Variants in RAB27B observed in about 807,000 individuals in gnomAD.
RAB27B encodes the protein ras-related protein Rab-27B.
A neutral mutation model predicts 24.6 loss-of-function variants in RAB27B; 15 were observed. The ratio of observed to expected loss-of-function variants is 0.61; its 90% confidence interval spans 0.41 to 0.94. The LOEUF is 0.94. Among genes scored for constraint, RAB27B ranks in the 40% least tolerant of loss-of-function variants. The probability of loss-of-function intolerance (pLI) is 0.00; values close to 1 mark genes in which losing one functional copy is unlikely to be tolerated. For missense variants in RAB27B, 261 were observed against 266.8 expected (o/e 0.98, Z 0.15); for synonymous variants, 105 against 92.5 (o/e 1.14, Z -0.78).
At chr18:54,807,508 C>T (rs1355793069) in intron 2 of RAB27B, among the ~76,000 whole-genome samples, 1 of 152,186 alleles carries the variant, frequency 6.6e-6, no homozygotes, top group African/African-American at 2.4e-5. Flanking sequence ...TAACTTGACT[C>T]ATCACTAAGT....
chr18:54,889,413 G>T lies in RAB27B; in HGVS notation c.657G>T (p.Ter219TyrextTer6). The change falls in exon 6 of 6, where the codon TAG (stop) becomes TAT (tyrosine). Residue 219 changes from the stop codon to tyrosine, a stop_lost. Coordinates refer to ENST00000262094, the MANE Select transcript of RAB27B (RefSeq NM_004163.4). Reference sequence around the variant, plus strand: ...CACCAGAGAAGAAATGTATCTGCTAGACTCTACATAGAAACTGAACATCAA... The same window carrying T: ...CACCAGAGAAGAAATGTATCTGCTATACTCTACATAGAAACTGAACATCAA... ...EKPPEKKCIC[*>Y] 1 of 1,605,634 alleles carries T rather than the reference G, an allele frequency of 6.2e-7. No individual in the cohort carries two copies. The highest frequency in any genetic ancestry group is 1.1e-5 in the South Asian group (1 of 89,288).
chr18:54,722,184 C>T lies in RAB27B; in HGVS notation c.-20+4043C>T, dbSNP rs558142517. 2.0e-4 allele frequency among the ~76,000 whole-genome samples: 31 copies of T among 152,266 alleles called. 1 individual carries two copies. In the South Asian group the frequency reaches 6.0e-3, roughly 30 times the overall value. On this transcript the variant is annotated intron_variant, in intron 2 of 4. Transcript: ENST00000586570. ...AACAAACAAGTATTTGATTGTTTTA[C>T]CACTCCTGTACCGCTTTCTTTAAAT...
chr18:54,825,887 T>C (rs1343926211), upstream of RAB27B, among the ~76,000 whole-genome samples: 1 of 152,220 alleles, frequency 6.6e-6, no homozygotes, highest in East Asian at 1.9e-4. Context: ...GATTTCTGCC[T>C]CCTAGGCCTG....
intron 2 of RAB27B, among the ~76,000 whole-genome samples, chr18:54,771,709 A>C (rs1360065322): frequency 1.3e-5 from 2 of 151,814 alleles, no homozygotes; most frequent in African/African-American, 4.8e-5. Flanking sequence ...TCTCTTTAAA[A>C]ACTCACATTT....
chr18:54,728,590 A>C (rs1909618007), intron 2 of RAB27B, among the ~76,000 whole-genome samples: 1 of 152,050 alleles, frequency 6.6e-6, no homozygotes, highest in Non-Finnish European at 1.5e-5. Context: ...AAAAGGGGGA[A>C]CCAGCTGGCT....
At chr18:54,800,886 A>G (rs1909579140) in intron 2 of RAB27B, among the ~76,000 whole-genome samples, 1 of 152,176 alleles carries the variant, frequency 6.6e-6, no homozygotes, top group Non-Finnish European at 1.5e-5. Context: ...CTCATATATA[A>G]TAAGTAAAGT....
chr18:54,750,519 C>T (rs1907798594), intron 2 of RAB27B, among the ~76,000 whole-genome samples: 1 of 151,828 alleles, frequency 6.6e-6, no homozygotes, highest in Admixed American at 6.6e-5. Context: ...AAGACCCAGC[C>T]TTTGACAGCT....
chr18:54,746,940 TA>T (rs1374011683), intron 2 of RAB27B, among the ~76,000 whole-genome samples: 1 of 152,188 alleles, frequency 6.6e-6, no homozygotes, highest in African/African-American at 2.4e-5. Flanking sequence ...AATTCTGGCT[TA>T]GGGGCTATGA....
chr18:54,823,907 G>A (rs1015156860), upstream of RAB27B, among the ~76,000 whole-genome samples: 1 of 152,124 alleles, frequency 6.6e-6, no homozygotes, highest in Admixed American at 6.5e-5. Context: ...TACAGTTCTT[G>A]TGGAACAGTG....
chr18:54,845,969 G>A (rs1911320225), intron 1 of RAB27B, among the ~76,000 whole-genome samples: 2 of 152,090 alleles, frequency 1.3e-5, no homozygotes, highest in Non-Finnish European at 2.9e-5. Flanking sequence ...TCTCAGCTGA[G>A]GTCAAACAAG....
intron 2 of RAB27B, among the ~76,000 whole-genome samples, chr18:54,779,257 G>A (rs1177297259): frequency 6.6e-6 from 1 of 152,118 alleles, no homozygotes; most frequent in Non-Finnish European, 1.5e-5. Context: ...TCACCATTGA[G>A]CAATATAAGA....
At chr18:54,873,795 A>G (rs1912581201) in intron 1 of RAB27B, among the ~76,000 whole-genome samples, 1 of 152,000 alleles carries the variant, frequency 6.6e-6, no homozygotes, top group Non-Finnish European at 1.5e-5. Context: ...ATAAAAAATA[A>G]GAAATAAAAT....
chr18:54,813,411 G>A (rs1412995927), intron 2 of RAB27B, among the ~76,000 whole-genome samples: 1 of 152,206 alleles, frequency 6.6e-6, no homozygotes, highest in African/African-American at 2.4e-5. Context: ...ACAGTGGGAT[G>A]TAGTGGGAGG....
intron 2 of RAB27B, among the ~76,000 whole-genome samples, chr18:54,723,660 C>T (rs1206030702): frequency 4.0e-5 from 6 of 151,888 alleles, no homozygotes; most frequent in Admixed American, 3.9e-4. Flanking sequence ...ATAGATGATA[C>T]GTAGGTAGAT....
chr18:54,835,628 A>C (rs925072490), intron 1 of RAB27B, among the ~76,000 whole-genome samples: 10 of 152,018 alleles, frequency 6.6e-5, no homozygotes, highest in Non-Finnish European at 4.4e-5. Context: ...GTTAAAACGT[A>C]ATAAAACAGA....
chr18:54,886,337 T>C (rs556107262), intron 4 of RAB27B, among the ~76,000 whole-genome samples: 49 of 152,300 alleles, frequency 3.2e-4, no homozygotes, highest in African/African-American at 1.2e-3. Context: ...TTCCATTTTA[T>C]TTCAATGCAA....
chr18:54,721,328 C>T (rs1007293283), intron 2 of RAB27B, among the ~76,000 whole-genome samples: 1 of 152,106 alleles, frequency 6.6e-6, no homozygotes, highest in Admixed American at 6.5e-5. Context: ...GATTAATATA[C>T]CTTCACTCCT....
intron 2 of RAB27B, among the ~76,000 whole-genome samples, chr18:54,823,333 G>A (rs914695844): frequency 6.6e-6 from 1 of 152,174 alleles, no homozygotes; most frequent in East Asian, 1.9e-4. Flanking sequence ...AGGAGGTAGG[G>A]GCACACCCGT....
chr18:54,782,777 C>G (rs1908955829), intron 2 of RAB27B, among the ~76,000 whole-genome samples: 1 of 152,156 alleles, frequency 6.6e-6, no homozygotes. Flanking sequence ...AATCAGTAAA[C>G]AATAGCTGAG....
Sources: allele counts gnomAD v4.1 joint callset (sites outside exome capture counted in the v4.1 genomes callset), GRCh38; gene constraint gnomAD v4.1.1; transcripts MANE v1.5; gene names NCBI Gene and HGNC (gene_info 2026-07-23, HGNC 2026-07-21).